The following FREM1 variants were observed in gnomAD, a reference collection of about 807,000 sequenced individuals.
FREM1 encodes the protein FRAS1 related extracellular matrix 1.
A neutral mutation model predicts 210.1 loss-of-function variants in FREM1; 220 were observed. The observed-to-expected ratio is 1.05, with a 90% CI of 0.94 to 1.17. The LOEUF (loss-of-function observed/expected upper bound fraction) is 1.17, where lower values mean the gene tolerates loss of function less well. FREM1 is among the 50% of genes most tolerant of loss of function. The probability of loss-of-function intolerance (pLI) is 0.00; values close to 1 mark genes in which losing one functional copy is unlikely to be tolerated. For synonymous variants in FREM1, 1,189 were observed against 980.2 expected (o/e 1.21, Z -3.98); for missense variants, 3,454 against 2,675.5 (o/e 1.29, Z -6.42).
intron 1 of FREM1, among the ~76,000 whole-genome samples, chr9:14,883,934 C>G (rs1835283900): frequency 6.6e-6 from 1 of 152,210 alleles, no homozygotes; most frequent in Non-Finnish European, 1.5e-5. Context: ...TGTAAACTGA[C>G]TTTTAGCCAC....
At chr9:14,894,023 T>A (rs935841529) in intron 1 of FREM1, among the ~76,000 whole-genome samples, 1 of 152,208 alleles carries the variant, frequency 6.6e-6, no homozygotes, top group Non-Finnish European at 1.5e-5. Context: ...TCTTACCTTA[T>A]GGTTCAAACT....
intron 1 of FREM1, among the ~76,000 whole-genome samples, chr9:14,885,017 C>T (rs921385269): frequency 1.4e-5 from 2 of 138,758 alleles, no homozygotes; most frequent in Non-Finnish European, 3.0e-5. Context: ...CTCCGCCTCC[C>T]GGGTTCACGC....
intron 21 of FREM1, among the ~76,000 whole-genome samples, chr9:14,796,219 TG>T (rs1208901570): frequency 6.6e-6 from 1 of 152,114 alleles, no homozygotes; most frequent in Non-Finnish European, 1.5e-5. Context: ...GGAAGAGATT[TG>T]GGGGGTTTGG....
At chr9:14,874,148 A>T (rs1833247081) in intron 1 of FREM1, among the ~76,000 whole-genome samples, 1 of 152,060 alleles carries the variant, frequency 6.6e-6, no homozygotes, top group South Asian at 2.1e-4. Flanking sequence ...TATTCTGTTG[A>T]TTTGGGGTGG....
chr9:14,877,785 C>T (rs1281606297), intron 1 of FREM1, among the ~76,000 whole-genome samples: 1 of 152,204 alleles, frequency 6.6e-6, no homozygotes, highest in Non-Finnish European at 1.5e-5. Flanking sequence ...ATCTTGACTG[C>T]AGCCTGGTGG....
At chr9:14,739,483 A>C (rs1410115056) in intron 36 of FREM1, among the ~76,000 whole-genome samples, 1 of 111,564 alleles carries the variant, frequency 9.0e-6, no homozygotes, top group Non-Finnish European at 2.1e-5. Context: ...TATAATTCAT[A>C]TATATATATT....
intron 19 of FREM1, among the ~76,000 whole-genome samples, chr9:14,804,598 C>T (rs13299035): frequency 6.6e-6 from 1 of 151,922 alleles, no homozygotes; most frequent in African/African-American, 2.4e-5. Context: ...AAACAAAAAA[C>T]AAAAAAACCA....
At chr9:14,797,732 G>T in intron 20 of FREM1, 90 bp from the exon 21 acceptor site, 1 of 1,113,962 alleles carries the variant, frequency 9.0e-7, no homozygotes, top group East Asian at 2.4e-5. Flanking sequence ...TTCAAGGCAG[G>T]GGTATTAGCA....
intron 10 of FREM1, among the ~76,000 whole-genome samples, chr9:14,831,752 C>T (rs1823594901): frequency 6.6e-6 from 1 of 152,180 alleles, no homozygotes; most frequent in Admixed American, 6.5e-5. Context: ...GCACACAGGC[C>T]ACGCAAGTCT....
At chr9:14,827,218 A>C (rs1822633085) in intron 10 of FREM1, among the ~76,000 whole-genome samples, 1 of 152,236 alleles carries the variant, frequency 6.6e-6, no homozygotes, top group African/African-American at 2.4e-5. Context: ...AGTGGTCATA[A>C]TCAGAACATT....
intron 36 of FREM1, among the ~76,000 whole-genome samples, chr9:14,739,463 T>TATATATATATATATATATATAAAATTC (rs58425457): frequency 2.0e-4 from 27 of 138,318 alleles, no homozygotes; most frequent in African/African-American, 6.9e-4. Context: ...TATATATATA[T>TATATATATATATATATATATAAAATTC]ATATATATAT....
chr9:14,847,418 A>AAGGAAGGAAGGAAGGG (rs1826865043), intron 7 of FREM1, among the ~76,000 whole-genome samples: 1 of 87,368 alleles, frequency 1.1e-5, no homozygotes, highest in Non-Finnish European at 2.4e-5. Flanking sequence ...GGAAGGAAGG[A>AAGGAAGGAAGGAAGGG]AGGAAGGAAG....
intron 29 of FREM1, 113 bp from the exon 30 acceptor site, chr9:14,750,389 C>G (rs1009882013): frequency 1.3e-6 from 1 of 748,012 alleles, no homozygotes; most frequent in Non-Finnish European, 2.1e-6. Flanking sequence ...CCCGAGTGAG[C>G]TATTGTACTG....
rs75677527 is a variant in FREM1, at chr9:14,784,568, G to C, written c.4244C>G (p.Thr1415Ser). The change falls in exon 24 of 37, where the codon ACC (threonine) becomes AGC (serine). Residue 1415 changes from threonine to serine, a missense_variant. Physicochemically the swap from Thr to Ser is moderately conservative, Grantham distance 58. Coordinates refer to ENST00000380880, the MANE Select transcript of FREM1 (RefSeq NM_001379081.2). The stretch of plus-strand genomic sequence containing the variant: ...TGTTCCGTCCACAGCCAGGAGCGTG[G>C]TGGTTGTTAAGAAACCTCTATCACC... ...SKGDRGFLTT[T>S]TLLAVDGTDK... The C allele has an allele frequency of 1.9e-3, 3,028 of 1,612,190 alleles. 89 individuals carry two copies. In the East Asian group the frequency reaches 0.056, roughly 30 times the overall value.
At chr9:14,800,900 T>G (rs1439658076) in intron 20 of FREM1, among the ~76,000 whole-genome samples, 3 of 152,216 alleles carry the variant, frequency 2.0e-5, no homozygotes, top group South Asian at 2.1e-4. Flanking sequence ...AAATTTTTAT[T>G]TTTTAATTGG....
chr9:14,768,749 G>GA (rs1361857558), intron 27 of FREM1, among the ~76,000 whole-genome samples: 2 of 152,088 alleles, frequency 1.3e-5, no homozygotes, highest in African/African-American at 4.8e-5. Flanking sequence ...GGATCCAAAA[G>GA]AAAATGCAAG....
intron 25 of FREM1, among the ~76,000 whole-genome samples, chr9:14,773,491 T>A (rs1180413126): frequency 6.6e-6 from 1 of 152,138 alleles, no homozygotes; most frequent in East Asian, 1.9e-4. Flanking sequence ...ACACTGCTGG[T>A]GGGGTCAGTC....
chr9:14,860,056 A>AT (rs1017796595), intron 3 of FREM1, among the ~76,000 whole-genome samples: 5 of 151,932 alleles, frequency 3.3e-5, no homozygotes, highest in African/African-American at 9.7e-5. Context: ...GAGGGGTGTC[A>AT]TTTTTTTTGA....
chr9:14,786,286 T>G (rs1461070889), intron 23 of FREM1, among the ~76,000 whole-genome samples: 1 of 152,204 alleles, frequency 6.6e-6, no homozygotes, highest in Non-Finnish European at 1.5e-5. Context: ...AAACACTGCA[T>G]TATTTTGTTC....
Sources: gnomAD v4.1 joint callset for allele counts (sites outside exome capture counted in the v4.1 genomes callset) on GRCh38, gnomAD v4.1.1 for gene constraint, MANE v1.5 for transcripts, NCBI Gene and HGNC (gene_info 2026-07-23, HGNC 2026-07-21) for gene names.